Variants in AGBL4 observed in about 807,000 individuals in gnomAD.
The protein encoded by AGBL4 is AGBL carboxypeptidase 4, also known as cytosolic carboxypeptidase 6.
Under a neutral mutation model 66.4 loss-of-function variants are expected in AGBL4, and 58 were observed. The ratio of observed to expected loss-of-function variants is 0.87; its 90% CI spans 0.71 to 1.09. The LOEUF is 1.09. AGBL4 is among the 50% of genes least tolerant of loss of function. The pLI is 0.00. For synonymous variants in AGBL4, 234 were observed against 222.9 expected, an observed-to-expected ratio of 1.05 and a Z score of -0.44; for missense variants, 579 against 631.0, an observed-to-expected ratio of 0.92 and a Z score of 0.88.
At chr1:50,008,412 G>T (rs1661295230) in intron 1 of AGBL4, among the ~76,000 whole-genome samples, 1 of 152,104 alleles carries the variant, frequency 6.6e-6, no homozygotes, top group African/African-American at 2.4e-5. Flanking sequence ...GCTCCTAAAT[G>T]ACCAGTGAGT....
chr1:49,336,958 G>T (rs1413631710), intron 3 of AGBL4, among the ~76,000 whole-genome samples: 1 of 152,080 alleles, frequency 6.6e-6, no homozygotes, highest in African/African-American at 2.4e-5. Context: ...AATTAAGTAG[G>T]TGCTCAGAGG....
intron 2 of AGBL4, among the ~76,000 whole-genome samples, chr1:49,783,454 G>A (rs1007002073): frequency 7.9e-5 from 12 of 152,038 alleles, no homozygotes; most frequent in Admixed American, 4.6e-4. Flanking sequence ...AAAAGTATCC[G>A]TCAAAATCAA....
intron 2 of AGBL4, among the ~76,000 whole-genome samples, chr1:49,819,097 T>C (rs1645301869): frequency 6.6e-6 from 1 of 152,208 alleles, no homozygotes; most frequent in African/African-American, 2.4e-5. Flanking sequence ...AAGTATATAA[T>C]GTTTCCTGGA....
chr1:48,720,760 C>T (rs537122621), intron 6 of AGBL4, among the ~76,000 whole-genome samples: 13 of 152,236 alleles, frequency 8.5e-5, no homozygotes, highest in African/African-American at 2.9e-4. Context: ...AGTTCACTGA[C>T]AGCCTTGTGA....
At chr1:49,784,740 T>C (rs1226899126) in intron 2 of AGBL4, among the ~76,000 whole-genome samples, 2 of 151,876 alleles carry the variant, frequency 1.3e-5, no homozygotes, top group Admixed American at 6.6e-5. Flanking sequence ...TAAAGACTTA[T>C]ATCCAGCACA....
At chr1:49,253,108 G>C (rs1652198777) in intron 3 of AGBL4, among the ~76,000 whole-genome samples, 1 of 152,088 alleles carries the variant, frequency 6.6e-6, no homozygotes, top group Non-Finnish European at 1.5e-5. Flanking sequence ...AAGACTCAGA[G>C]TGGAAGCTGG....
At chr1:48,804,503 T>A (rs1645878212) in intron 6 of AGBL4, among the ~76,000 whole-genome samples, 1 of 152,220 alleles carries the variant, frequency 6.6e-6, no homozygotes, top group Non-Finnish European at 1.5e-5. Context: ...GCCCAGAGCC[T>A]ATGATCTCTT....
chr1:49,752,060 G>T (rs867506907), intron 2 of AGBL4, among the ~76,000 whole-genome samples: 2 of 150,084 alleles, frequency 1.3e-5, no homozygotes, highest in Admixed American at 6.7e-5. Context: ...AGGGTTTTTC[G>T]TGTCTCTATC....
intron 3 of AGBL4, among the ~76,000 whole-genome samples, chr1:49,454,957 G>A (rs911216313): frequency 7.9e-5 from 12 of 151,400 alleles, no homozygotes; most frequent in Admixed American, 6.6e-4. Context: ...TCTCTGGGCC[G>A]GACTCTGAAC....
intron 4 of AGBL4, among the ~76,000 whole-genome samples, chr1:49,202,530 T>C (rs1030133736): frequency 2.0e-5 from 3 of 152,078 alleles, no homozygotes; most frequent in African/African-American, 7.2e-5. Context: ...GGGGAAAGAA[T>C]AGCTTCTTCA....
At chr1:49,621,765 C>G (rs1645364501) in intron 3 of AGBL4, among the ~76,000 whole-genome samples, 1 of 152,184 alleles carries the variant, frequency 6.6e-6, no homozygotes, top group South Asian at 2.1e-4. Context: ...TCCTACATGT[C>G]AGGGCACATT....
At chr1:48,847,071 G>A (rs111933331) in intron 6 of AGBL4, among the ~76,000 whole-genome samples, 1 of 151,770 alleles carries the variant, frequency 6.6e-6, no homozygotes, top group Non-Finnish European at 1.5e-5. Context: ...GAGGCCGAGG[G>A]GGGTGGATCA....
intron 3 of AGBL4, among the ~76,000 whole-genome samples, chr1:49,265,525 G>C (rs1302943413): frequency 6.6e-6 from 1 of 152,128 alleles, no homozygotes; most frequent in Non-Finnish European, 1.5e-5. Context: ...TATTGGGAGT[G>C]CAGCCTGATT....
At chr1:49,948,111 A>C (rs1178036863) in intron 1 of AGBL4, among the ~76,000 whole-genome samples, 1 of 83,338 alleles carries the variant, frequency 1.2e-5, no homozygotes, top group Non-Finnish European at 2.1e-5. Flanking sequence ...TATATATGTA[A>C]ATGTATGTAA....
intron 11 of AGBL4, among the ~76,000 whole-genome samples, chr1:48,561,399 G>T (rs1171568650): frequency 6.6e-6 from 1 of 152,062 alleles, no homozygotes; most frequent in Non-Finnish European, 1.5e-5. Context: ...TGTAATCTTT[G>T]TACTGGGTCT....
rs1644763099 is a variant in AGBL4, at chr1:49,387,642, C to T, written c.283-141778G>A. 2.6e-5 allele frequency among the ~76,000 whole-genome samples: 4 copies of T among 151,990 alleles called. No homozygotes were observed. In the South Asian group the frequency reaches 8.3e-4, roughly 31 times the overall value. On this transcript the variant is annotated intron_variant, in intron 3 of 13. Transcript: ENST00000371839. ...CAAAAATTCAGTAATTCTTACTATTCAATCTTTACCAGTCTCTTAGTTTTT... is the reference window on the plus strand; with the variant it reads ...CAAAAATTCAGTAATTCTTACTATTTAATCTTTACCAGTCTCTTAGTTTTT...
intron 6 of AGBL4, chr1:48,761,262 A>G: frequency 2.1e-6 from 3 of 1,429,242 alleles, no homozygotes; most frequent in African/African-American, 1.4e-5. Flanking sequence ...AGAGGAAGCC[A>G]GACTGAAACT....
At chr1:49,821,332 G>A (rs1645364668) in intron 2 of AGBL4, among the ~76,000 whole-genome samples, 1 of 152,128 alleles carries the variant, frequency 6.6e-6, no homozygotes. Flanking sequence ...GACATTTGGA[G>A]AGACATTTAA....
intron 1 of AGBL4, among the ~76,000 whole-genome samples, chr1:49,893,729 G>A (rs963892352): frequency 2.6e-5 from 4 of 152,188 alleles, no homozygotes; most frequent in Non-Finnish European, 5.9e-5. Context: ...AGATTTCTAA[G>A]GTTTTTTGAC....
Sources: allele counts gnomAD v4.1 joint callset (sites outside exome capture counted in the v4.1 genomes callset), GRCh38; gene constraint gnomAD v4.1.1; transcripts MANE v1.5; gene names NCBI Gene and HGNC (gene_info 2026-07-23, HGNC 2026-07-21).